The following TAAR5 variants were observed in gnomAD, a reference collection of about 807,000 sequenced individuals.
The protein encoded by TAAR5 is trace amine-associated receptor 5.
A neutral mutation model predicts 21.1 loss-of-function variants in TAAR5; 27 were observed. That is an observed-to-expected ratio of 1.28 (90% CI 0.94 to 1.76). The LOEUF (loss-of-function observed/expected upper bound fraction) is 1.76. TAAR5 is among the 40% of genes most tolerant of loss of function. The pLI, the probability that TAAR5 is intolerant of heterozygous loss-of-function variation, is 0.00. For synonymous variants in TAAR5, 203 were observed against 167.5 expected, an observed-to-expected ratio of 1.21 and a Z score of -1.64; for missense variants, 495 against 405.6, an observed-to-expected ratio of 1.22 and a Z score of -1.89.
the TAAR5 span, among the ~76,000 whole-genome samples, chr6:132,605,240 A>G: frequency 6.6e-6 from 1 of 152,212 alleles, no homozygotes; most frequent in Non-Finnish European, 1.5e-5. Flanking sequence ...AAAAGTGTCA[A>G]CGCCAGATAA....
the TAAR5 span, among the ~76,000 whole-genome samples, chr6:132,609,584 C>T: frequency 1.3e-5 from 2 of 152,118 alleles, no homozygotes; most frequent in African/African-American, 2.4e-5. Context: ...CTATTGACTG[C>T]TTTATTCCTG....
the TAAR5 span, among the ~76,000 whole-genome samples, chr6:132,602,233 C>CA: frequency 6.6e-6 from 1 of 152,106 alleles, no homozygotes; most frequent in Non-Finnish European, 1.5e-5. Flanking sequence ...GACTCAAGCA[C>CA]ATTATATTTA....
At chr6:132,594,579 T>G (rs1284062564), upstream of TAAR5, 2 of 152,260 alleles carry the variant, frequency 1.3e-5, no homozygotes, top group Admixed American at 1.3e-4. Context: ...GTAAAATTAA[T>G]GAAAGGATCT....
At chr6:132,593,925 A>G (rs1776940744), upstream of TAAR5, among the ~76,000 whole-genome samples, 1 of 152,188 alleles carries the variant, frequency 6.6e-6, no homozygotes, top group African/African-American at 2.4e-5. Flanking sequence ...CATCACTAGC[A>G]TGCTCCATAA....
At chr6:132,594,063 A>C (rs1016599817), upstream of TAAR5, among the ~76,000 whole-genome samples, 2 of 152,218 alleles carry the variant, frequency 1.3e-5, no homozygotes, top group Admixed American at 1.3e-4. Flanking sequence ...TTGCTTTTGC[A>C]TCTGATGTTT....
At chr6:132,604,967 C>A in the TAAR5 span, among the ~76,000 whole-genome samples, 2 of 152,180 alleles carry the variant, frequency 1.3e-5, no homozygotes, top group African/African-American at 2.4e-5. Context: ...GAGAGGGACT[C>A]CAGATGGCCT....
At chr6:132,613,321 C>T in the TAAR5 span, among the ~76,000 whole-genome samples, 15 of 152,272 alleles carry the variant, frequency 9.9e-5, no homozygotes, top group African/African-American at 2.6e-4. Context: ...CCTGTTTATA[C>T]GTTCAAAGTT....
At chr6:132,607,182 G>A in the TAAR5 span, among the ~76,000 whole-genome samples, 1 of 152,042 alleles carries the variant, frequency 6.6e-6, no homozygotes, top group African/African-American at 2.4e-5. Context: ...GTGACAGAGT[G>A]AGACCCTGTC....
the TAAR5 span, among the ~76,000 whole-genome samples, chr6:132,596,070 A>C: frequency 6.6e-6 from 1 of 152,342 alleles, no homozygotes; most frequent in African/African-American, 2.4e-5. Context: ...AGGATCACAA[A>C]GTTATAGGTG....
chr6:132,589,326 A>C lies in TAAR5; in HGVS notation c.361T>G (p.Ser121Ala), dbSNP rs1349297182. Residue 121 changes from serine (S) to alanine (A), a missense_variant, in exon 1 of 1, where the codon TCC becomes GCC. Transcript: ENST00000258034. ...GAAATGAAACAGAGATGGAAGATGG[A>C]GGTGAGGCAGAAGAGGGTGTCCAGG... is the stretch of plus-strand genomic sequence containing the variant. Reference protein sequence around the residue: ...TYLDTLFCLTSIFHLCFISID... With the variant: ...TYLDTLFCLTAIFHLCFISID... 4 of 1,613,626 alleles carry C rather than the reference A, an allele frequency of 2.5e-6. No individual in the cohort carries two copies. The highest frequency in any genetic ancestry group is 2.2e-5 in the East Asian group (1 of 44,860).
chr6:132,615,877 AACACACAC>A, the TAAR5 span, among the ~76,000 whole-genome samples: 11,707 of 145,128 alleles, frequency 0.081, 601 homozygotes, highest in East Asian at 0.27. Flanking sequence ...ACCATGTATA[AACACACAC>A]ACACACACAC....
At chr6:132,614,952 G>A in the TAAR5 span, among the ~76,000 whole-genome samples, 1 of 151,958 alleles carries the variant, frequency 6.6e-6, no homozygotes, top group Admixed American at 6.6e-5. Context: ...CAACCTCCGC[G>A]TCCTGGGTTC....
upstream of TAAR5, among the ~76,000 whole-genome samples, chr6:132,593,713 A>C (rs997922387): frequency 6.6e-6 from 1 of 152,244 alleles, no homozygotes; most frequent in South Asian, 2.1e-4. Flanking sequence ...CACAGGCTGC[A>C]TACATACATG....
In TAAR5 at chr6:132,588,931, C is replaced by G; in HGVS notation, c.756G>C (p.Lys252Asn). The change falls in exon 1 of 1, where the codon AAG becomes AAC. Residue 252 changes from lysine (K) to asparagine (N), a missense_variant. By Grantham distance (94) the Lys-to-Asn change is moderately conservative. Transcript: ENST00000258034. ...ATATGCCCACAGCAATGCCCAGGGT[C>G]TTGGCAGCTTTTCTCTCATGCTTGG... is the stretch of plus-strand genomic sequence containing the variant. Reference protein sequence around the residue: ...GAAKHERKAAKTLGIAVGIYL... With the variant: ...GAAKHERKAANTLGIAVGIYL... The G allele has an allele frequency of 6.2e-7, 1 of 1,614,142 alleles. No homozygotes were observed. Among genetic ancestry groups the G allele is most frequent in the Non-Finnish European group, 8.5e-7 (1 of 1,180,006 alleles).
the TAAR5 span, among the ~76,000 whole-genome samples, chr6:132,602,152 T>C: frequency 6.6e-6 from 1 of 152,176 alleles, no homozygotes; most frequent in Non-Finnish European, 1.5e-5. Flanking sequence ...CCCAACCTTT[T>C]TGGCACCAGG....
chr6:132,608,939 G>A, the TAAR5 span: 1 of 455,934 alleles, frequency 2.2e-6, no homozygotes, highest in Non-Finnish European at 4.4e-6. Context: ...GTCAGTCTGA[G>A]CATCATGTCA....
the TAAR5 span, among the ~76,000 whole-genome samples, chr6:132,610,616 G>A: frequency 6.6e-6 from 1 of 152,168 alleles, no homozygotes; most frequent in East Asian, 1.9e-4. Flanking sequence ...AAAAGAACCT[G>A]AATTTTGCTG....
chr6:132,588,877 T>C lies in TAAR5; in HGVS notation c.810A>G (p.Ile270Met), dbSNP rs756427619. Residue 270 changes from isoleucine to methionine, a missense_variant, in exon 1 of 1, where the codon ATA (isoleucine) becomes ATG (methionine). By Grantham distance (10) the Ile-to-Met change is conservative. Coordinates refer to ENST00000258034, the MANE Select transcript of TAAR5 (RefSeq NM_003967.3). ...IYLLCWLPFT[I>M]DTMVDSLLHF... ...GAAGGAGGCTGTCGACCATCGTGTC[T>C]ATGGTGAAGGGCAGCCAGCACAAGA... 6.2e-7 allele frequency: 1 copy of C among 1,614,096 alleles called. No homozygotes were observed. The highest frequency in any genetic ancestry group is 8.5e-7 in the Non-Finnish European group (1 of 1,179,998).
At chr6:132,607,907 T>C in the TAAR5 span, among the ~76,000 whole-genome samples, 1 of 152,222 alleles carries the variant, frequency 6.6e-6, no homozygotes, top group Non-Finnish European at 1.5e-5. Flanking sequence ...CAACACTTTT[T>C]AAAAAATTCT....
Sources: allele counts gnomAD v4.1 joint callset (sites outside exome capture counted in the v4.1 genomes callset), GRCh38; gene constraint gnomAD v4.1.1; transcripts MANE v1.5; gene names NCBI Gene and HGNC (gene_info 2026-07-23, HGNC 2026-07-21).